Variants in VWC2 observed in about 807,000 individuals in gnomAD.
VWC2 encodes von Willebrand factor C domain containing 2.
A neutral mutation model predicts 29.8 loss-of-function variants in VWC2; 14 were observed. The ratio of observed to expected loss-of-function variants is 0.47; its 90% CI spans 0.31 to 0.74. VWC2 has a LOEUF of 0.74. Ranked by LOEUF, VWC2 falls within the 30% of genes least tolerant of loss-of-function variation. The pLI is 0.05. For missense variants in VWC2, 457 were observed against 459.8 expected (o/e 0.99, Z 0.05); for synonymous variants, 213 against 199.0 (o/e 1.07, Z -0.59).
At chr7:49,874,722 C>T (rs753800341) in intron 3 of VWC2, among the ~76,000 whole-genome samples, 1 of 152,186 alleles carries the variant, frequency 6.6e-6, no homozygotes, top group Admixed American at 6.5e-5. Context: ...AAAGACTCCA[C>T]TAGCAGGCCT....
rs969167045 is a variant in VWC2 at position 49,917,386 on chromosome 7, A to G, written c.*5201A>G. The G allele has an allele frequency of 1.3e-5, 2 of 152,230 alleles. No individual in the cohort carries two copies. The highest frequency in any genetic ancestry group is 2.9e-5 in the Non-Finnish European group (2 of 68,032). The allele number at this position is 152,230 out of a possible 1,614,324, so 9.4% of individuals were successfully genotyped here. ...CAATCACCCTGAAAAGTATTCAGCC[A>G]AAGTTTCAATAGAATTAGGAAACTT... On this transcript the variant is annotated 3_prime_UTR_variant, in exon 4 of 4. Coordinates refer to ENST00000340652, the MANE Select transcript of VWC2 (RefSeq NM_198570.5).
At chr7:49,894,455 C>T (rs1792280812) in intron 3 of VWC2, among the ~76,000 whole-genome samples, 1 of 152,236 alleles carries the variant, frequency 6.6e-6, no homozygotes, top group Admixed American at 6.5e-5. Context: ...CACAGTCTTC[C>T]TATGGCTTAC....
intron 2 of VWC2, among the ~76,000 whole-genome samples, chr7:49,797,069 T>C (rs533965491): frequency 2.0e-4 from 30 of 152,372 alleles, no homozygotes; most frequent in African/African-American, 6.7e-4. Context: ...GTACATATGA[T>C]ATAAACATGT....
At position 49,776,267 on chromosome 7, in the gene VWC2, T is replaced by G. The variant is rs1788052670; in HGVS notation, c.696+136T>G. The G allele has an allele frequency of 5.3e-6, 4 of 754,004 alleles. No individual in the cohort carries two copies. In the South Asian group the frequency reaches 7.6e-5, roughly 14 times the overall value. The allele number at this position is 754,004 out of a possible 1,614,324, so 46.7% of individuals were successfully genotyped here. ...GTGGAGAGCACTGTGCTCACGTCCC[T>G]TTGACATGACCTCTCTTTTTCAGGG... On this transcript the variant is annotated intron_variant, in intron 2 of 3. Coordinates refer to ENST00000340652, the MANE Select transcript of VWC2 (RefSeq NM_198570.5).
At chr7:49,882,814 T>C (rs1250695259) in intron 3 of VWC2, among the ~76,000 whole-genome samples, 1 of 152,208 alleles carries the variant, frequency 6.6e-6, no homozygotes, top group Admixed American at 6.5e-5. Flanking sequence ...AAGTCATTTA[T>C]AAGTTTCAAC....
intron 2 of VWC2, among the ~76,000 whole-genome samples, chr7:49,796,643 C>T (rs1409056268): frequency 1.3e-5 from 2 of 152,144 alleles, no homozygotes; most frequent in Non-Finnish European, 2.9e-5. Flanking sequence ...AAAAATACTT[C>T]CTACCTTCTA....
At chr7:49,804,559 T>C (rs1340304983) in intron 3 of VWC2, among the ~76,000 whole-genome samples, 3 of 152,206 alleles carry the variant, frequency 2.0e-5, no homozygotes, top group East Asian at 1.9e-4. Context: ...ATTTTGATTA[T>C]AGACTAAGTC....
rs150674860 is a variant in VWC2 at position 49,842,069 on chromosome 7, T to C, written c.826+39229T>C. ...TTTTAGTAGAAACGAGGTTTCACCA[T>C]GTTGCCCAGGCTGGTCTTGAACTCC... On this transcript the variant is annotated intron_variant, in intron 3 of 3. Transcript: ENST00000340652. Among the ~76,000 whole-genome samples, 52 of 152,282 alleles carry C rather than the reference T, an allele frequency of 3.4e-4. 1 individual carries two copies. Among genetic ancestry groups the C allele is most frequent in the African/African-American group, 1.2e-3 (50 of 41,554 alleles).
intron 3 of VWC2, among the ~76,000 whole-genome samples, chr7:49,884,301 G>A (rs1791803161): frequency 6.6e-6 from 1 of 152,220 alleles, no homozygotes; most frequent in Admixed American, 6.5e-5. Context: ...AGGTCCTCCT[G>A]GCCATAGCAT....
At chr7:49,842,177 C>A (rs534423734) in intron 3 of VWC2, among the ~76,000 whole-genome samples, 8 of 152,218 alleles carry the variant, frequency 5.3e-5, no homozygotes, top group Admixed American at 4.6e-4. Context: ...CAATTCAACT[C>A]TTTTAAGTGA....
intron 3 of VWC2, among the ~76,000 whole-genome samples, chr7:49,890,909 C>A (rs1438125738): frequency 1.4e-5 from 2 of 146,494 alleles, no homozygotes; most frequent in Non-Finnish European, 3.0e-5. Context: ...AGCCAGGAGA[C>A]GGGTAAACAG....
At position 49,871,908 on chromosome 7, in the gene VWC2, A is replaced by AACACACACAC. The variant is rs72332840; in HGVS notation, c.827-40085_827-40076dup. Among the ~76,000 whole-genome samples the AACACACACAC allele has an allele frequency of 1.6e-4, 14 of 87,918 alleles. No individual in the cohort carries two copies. The South Asian group carries it at 2.0e-3, about 13-fold the overall frequency. 57.7% of individuals were successfully genotyped at this position (87,918 alleles called of 152,430 possible). A position where few individuals can be genotyped will look rare whatever the true frequency, so the allele number is the denominator to read the frequency against. ...TTTTGTATGTATATGTGTGTATATA[A>AACACACACAC]ACACACACACACACACACACACACA... is the stretch of plus-strand genomic sequence containing the variant. On this transcript the variant is annotated intron_variant, in intron 3 of 3. Transcript: ENST00000340652.
chr7:49,906,236 C>G (rs763998827), intron 3 of VWC2, among the ~76,000 whole-genome samples: 1 of 151,954 alleles, frequency 6.6e-6, no homozygotes, highest in Non-Finnish European at 1.5e-5. Context: ...GATCAGGACC[C>G]CTTTCTAGTA....
chr7:49,860,744 T>G (rs1488668472), intron 3 of VWC2, among the ~76,000 whole-genome samples: 1 of 152,196 alleles, frequency 6.6e-6, no homozygotes, highest in African/African-American at 2.4e-5. Flanking sequence ...ATTAAAGATG[T>G]AATTAAGTTA....
chr7:49,814,931 G>A (rs143954592), intron 3 of VWC2, among the ~76,000 whole-genome samples: 1 of 152,202 alleles, frequency 6.6e-6, no homozygotes, highest in Non-Finnish European at 1.5e-5. Context: ...GATTTCACTC[G>A]TGGCTATTCT....
In VWC2 at chr7:49,877,495, T is replaced by C. The variant is rs865952869; in HGVS notation, c.827-34539T>C. ...AAAAAAAAAAAAATATATATATATATATATATATATATATATATATATAGT... is the reference window on the plus strand; with the variant it reads ...AAAAAAAAAAAAATATATATATATACATATATATATATATATATATATAGT... On this transcript the variant is annotated intron_variant, in intron 3 of 3. Transcript: ENST00000340652. 1.1e-3 allele frequency among the ~76,000 whole-genome samples: 80 copies of C among 71,860 alleles called. 12 individuals carry two copies. Among genetic ancestry groups the C allele is most frequent in the East Asian group, 4.6e-3 (9 of 1,944 alleles). 47.1% of individuals were successfully genotyped at this position (71,860 alleles called of 152,430 possible).
At chr7:49,802,594 C>A in intron 2 of VWC2, 117 bp from the exon 3 acceptor site, 1 of 1,385,616 alleles carries the variant, frequency 7.2e-7, no homozygotes, top group Non-Finnish European at 9.9e-7. Context: ...GCCGAGATCG[C>A]ACCACTGCAC....
At chr7:49,850,818 C>T (rs967937950) in intron 3 of VWC2, among the ~76,000 whole-genome samples, 1 of 152,186 alleles carries the variant, frequency 6.6e-6, no homozygotes, top group African/African-American at 2.4e-5. Context: ...ACTCAGCAAG[C>T]ATGTACTGCC....
intron 3 of VWC2, among the ~76,000 whole-genome samples, chr7:49,824,543 T>G (rs1789348509): frequency 6.6e-6 from 1 of 152,176 alleles, no homozygotes; most frequent in African/African-American, 2.4e-5. Flanking sequence ...CCTTAACCTT[T>G]GCATTTTCAG....
Sources: gnomAD v4.1 joint callset for allele counts (sites outside exome capture counted in the v4.1 genomes callset) on GRCh38, gnomAD v4.1.1 for gene constraint, MANE v1.5 for transcripts, NCBI Gene and HGNC (gene_info 2026-07-23, HGNC 2026-07-21) for gene names.